ARHGEF10: variants seen among roughly 807,000 people sequenced by gnomAD.
ARHGEF10 encodes the protein Rho guanine nucleotide exchange factor (GEF) 10.
A neutral mutation model predicts 147.4 loss-of-function variants in ARHGEF10; 140 were observed. The observed-to-expected ratio is 0.95, with a 90% CI of 0.83 to 1.09. The LOEUF (loss-of-function observed/expected upper bound fraction) is 1.09. Among genes scored for constraint, ARHGEF10 ranks in the 50% least tolerant of loss-of-function variants. ARHGEF10 has a pLI of 0.00. For synonymous variants in ARHGEF10, 902 were observed against 695.8 expected (o/e 1.30, Z -4.67); for missense variants, 2,222 against 1,752.7 (o/e 1.27, Z -4.78).
intron 21 of ARHGEF10, 114 bp from the exon 22 acceptor site, chr8:1,925,168 TG>T: frequency 7.8e-7 from 1 of 1,283,488 alleles, no homozygotes; most frequent in Non-Finnish European, 1.1e-6. Context: ...TGGCGTTGTC[TG>T]GCCCTGTACA....
chr8:1,901,011 G>A (rs932466585), intron 15 of ARHGEF10, among the ~76,000 whole-genome samples: 1 of 152,132 alleles, frequency 6.6e-6, no homozygotes, highest in Non-Finnish European at 1.5e-5. Context: ...TGAAACGCTG[G>A]CGTATCCTAG....
chr8:1,858,085 G>C lies in ARHGEF10; in HGVS notation c.163G>C (p.Ala55Pro), dbSNP rs138043149. 1 of 1,606,292 alleles carries C rather than the reference G, an allele frequency of 6.2e-7. No individual in the cohort carries two copies. The highest frequency in any genetic ancestry group is 8.5e-7 in the Non-Finnish European group (1 of 1,176,978). ...CCCATCCGCCCCTGAGACAGGAGGTGCTGGAGCCAGTGAAGCCCCTGCACC... is the reference window on the plus strand; with the variant it reads ...CCCATCCGCCCCTGAGACAGGAGGTCCTGGAGCCAGTGAAGCCCCTGCACC... ...QAPSAPETGG[A>P]GASEAPAPTG... is the part of the protein sequence containing the mutation. Residue 55 changes from alanine (A) to proline (P), a missense_variant, in exon 3 of 29, where the codon GCT (alanine) becomes CCT (proline). By Grantham distance (27) the Ala-to-Pro change is conservative (BLOSUM62 -1). Coordinates refer to ENST00000349830, the MANE Select transcript of ARHGEF10 (RefSeq NM_014629.4).
At chr8:1,851,522 T>C (rs1805150012) in intron 2 of ARHGEF10, among the ~76,000 whole-genome samples, 1 of 151,398 alleles carries the variant, frequency 6.6e-6, no homozygotes, top group Non-Finnish European at 1.5e-5. Flanking sequence ...TGGGGGAGGC[T>C]CTCTTTGGGG....
rs1807751874 is a variant in ARHGEF10, at chr8:1,876,835, G to A, written c.843+101G>A. ...TCCACCTAGTACTTCATAGTGATTT[G>A]TTAAGATGCTGATAAGTAGTTTGGG... On this transcript the variant is annotated intron_variant, in intron 8 of 28. Coordinates refer to ENST00000349830, the MANE Select transcript of ARHGEF10 (RefSeq NM_014629.4). 4.5e-6 allele frequency: 6 copies of A among 1,338,650 alleles called. 1 individual carries two copies. The highest frequency in any genetic ancestry group is 2.3e-4 in the Middle Eastern group (1 of 4,412). The allele number at this position is 1,338,650 out of a possible 1,614,324, so 82.9% of individuals were successfully genotyped here. A position where few individuals can be genotyped will look rare whatever the true frequency, so the allele number is the denominator to read the frequency against.
chr8:1,913,299 C>CGT (rs34385451), intron 18 of ARHGEF10, among the ~76,000 whole-genome samples: 20 of 151,456 alleles, frequency 1.3e-4, no homozygotes, highest in East Asian at 1.9e-4. Flanking sequence ...AGAAGTTCTT[C>CGT]GTGTGTGTGT....
At chr8:1,947,168 C>T (rs539316958) in intron 27 of ARHGEF10, among the ~76,000 whole-genome samples, 2 of 152,260 alleles carry the variant, frequency 1.3e-5, no homozygotes, top group African/African-American at 2.4e-5. Flanking sequence ...TGCCAAAGCA[C>T]GCTCTCACGC....
At position 1,880,174 on chromosome 8, in the gene ARHGEF10, T is replaced by C. The variant is rs765158129; in HGVS notation, c.960+10T>C. On this transcript the variant is annotated intron_variant, in intron 9 of 28. Transcript: ENST00000349830. ...GAAGCATGAACTGAAGGTAGAGTCT[T>C]GCCCCCGGCCGCTGCCCCCACTTGC... 2 of 1,600,918 alleles carry C rather than the reference T, an allele frequency of 1.2e-6. No homozygotes were observed. The highest frequency in any genetic ancestry group is 1.7e-6 in the Non-Finnish European group (2 of 1,168,454).
At chr8:1,863,093 G>A (rs1806285475) in intron 4 of ARHGEF10, among the ~76,000 whole-genome samples, 1 of 152,154 alleles carries the variant, frequency 6.6e-6, no homozygotes, top group South Asian at 2.1e-4. Flanking sequence ...GGATCTTTGG[G>A]TGTTTCTTTG....
chr8:1,911,798 G>A (rs893352271), intron 18 of ARHGEF10, among the ~76,000 whole-genome samples: 1 of 152,168 alleles, frequency 6.6e-6, no homozygotes, highest in African/African-American at 2.4e-5. Context: ...TACCGTTTAT[G>A]CTGACAAAAC....
In ARHGEF10 at chr8:1,890,164, TGGGG is replaced by T. The variant is rs1262308412; in HGVS notation, c.1183-3404_1183-3401del. ...TGAGGGTTTGTGAGGAGACACTGAG[TGGGG>T]TGAGGGTTTGTGAGGAGACACTGAA... is the stretch of plus-strand genomic sequence containing the variant. On this transcript the variant is annotated intron_variant, in intron 11 of 28. Transcript: ENST00000349830. Among the ~76,000 whole-genome samples the T allele has an allele frequency of 6.2e-3, 792 of 128,126 alleles. 8 individuals carry two copies. Among genetic ancestry groups the T allele is most frequent in the African/African-American group, 0.023 (728 of 32,154 alleles). The allele number at this position is 128,126 out of a possible 152,430, so 84.1% of individuals were successfully genotyped here.
At chr8:1,928,686 A>C (rs1411347968) in intron 24 of ARHGEF10, 36 bp downstream of exon 24, 5 of 1,608,816 alleles carry the variant, frequency 3.1e-6, no homozygotes, top group Non-Finnish European at 4.2e-6. Context: ...AGAATTAGCA[A>C]GCTCTGCCCA....
chr8:1,904,627 C>A (rs528541697), intron 16 of ARHGEF10, among the ~76,000 whole-genome samples: 2 of 151,832 alleles, frequency 1.3e-5, no homozygotes, highest in Admixed American at 1.3e-4. Context: ...CGGAGCAAGC[C>A]CAGAGGCCCA....
chr8:1,841,273 C>T (rs945961812), intron 1 of ARHGEF10, among the ~76,000 whole-genome samples: 1 of 151,980 alleles, frequency 6.6e-6, no homozygotes, highest in South Asian at 2.1e-4. Flanking sequence ...TAAAAGTAAT[C>T]TATGTAGAAG....
chr8:1,901,467 T>C (rs1261455548), intron 15 of ARHGEF10, among the ~76,000 whole-genome samples: 1 of 152,206 alleles, frequency 6.6e-6, no homozygotes, highest in Non-Finnish European at 1.5e-5. Flanking sequence ...TGTCAGTTTC[T>C]CCCATGGATC....
chr8:1,914,809 G>A (rs1563278153), intron 18 of ARHGEF10, among the ~76,000 whole-genome samples: 2 of 152,132 alleles, frequency 1.3e-5, no homozygotes, highest in South Asian at 2.1e-4. Flanking sequence ...TCCTTCCCAC[G>A]ACTCAAAAGT....
At chr8:1,915,769 G>C (rs1811715380) in intron 18 of ARHGEF10, among the ~76,000 whole-genome samples, 1 of 152,246 alleles carries the variant, frequency 6.6e-6, no homozygotes, top group South Asian at 2.1e-4. Flanking sequence ...AGGGAGAAGT[G>C]GTTCCATGCA....
intron 1 of ARHGEF10, among the ~76,000 whole-genome samples, chr8:1,830,408 C>A (rs918551168): frequency 6.6e-6 from 1 of 152,226 alleles, no homozygotes; most frequent in Admixed American, 6.5e-5. Flanking sequence ...TCCCTTGAGG[C>A]CTTTCTCTGT....
At chr8:1,953,230 C>T (rs1286051836) in intron 28 of ARHGEF10, among the ~76,000 whole-genome samples, 1 of 119,380 alleles carries the variant, frequency 8.4e-6, no homozygotes, top group African/African-American at 3.5e-5. Flanking sequence ...GGATCTCCGT[C>T]GTTCCTTTCT....
chr8:1,844,470 A>AGGGGTCACCG (rs1804385979), intron 2 of ARHGEF10, among the ~76,000 whole-genome samples: 1 of 18,508 alleles, frequency 5.4e-5, no homozygotes, highest in Non-Finnish European at 1.6e-4. Flanking sequence ...AGGGGTGAGC[A>AGGGGTCACCG]GTGGCCACCC....
Sources: gnomAD v4.1 joint callset for allele counts (sites outside exome capture counted in the v4.1 genomes callset) on GRCh38, gnomAD v4.1.1 for gene constraint, MANE v1.5 for transcripts, NCBI Gene and HGNC (gene_info 2026-07-23, HGNC 2026-07-21) for gene names.